The following ZNF462 variants were observed in gnomAD, a reference collection of about 807,000 sequenced individuals.
ZNF462 encodes the protein zinc finger PBX1-interacting protein.
A neutral mutation model predicts 201.9 loss-of-function variants in ZNF462; 10 were observed. The observed-to-expected ratio is 0.05, with a 90% CI of 0.03 to 0.08. The LOEUF (loss-of-function observed/expected upper bound fraction) is 0.08. Among genes scored for constraint, ZNF462 ranks in the 10% least tolerant of loss-of-function variants. ZNF462 has a pLI of 1.00. For missense variants in ZNF462, 2,523 were observed against 3,168.3 expected, an observed-to-expected ratio of 0.80 and a Z score of 4.89; for synonymous variants, 1,227 against 1,193.3, an observed-to-expected ratio of 1.03 and a Z score of -0.58.
chr9:106,924,839 C>T lies in ZNF462; in HGVS notation c.927C>T (p.Ser309=), dbSNP rs767635208. 2 of 1,614,160 alleles carry T rather than the reference C, an allele frequency of 1.2e-6. No homozygotes were observed. Among genetic ancestry groups the T allele is most frequent in the Admixed American group, 3.3e-5 (2 of 60,026 alleles). ...NSTYLTMNAA[S]REIPNTTVSN... is the part of the protein sequence containing the mutation. ...CCTATCTGACCATGAATGCTGCAAG[C>T]CGGGAGATACCCAATACTACCGTCT... The change falls in exon 3 of 13, where the codon AGC becomes AGT. Residue 309 remains serine (S), a synonymous_variant. Coordinates refer to ENST00000277225, the MANE Select transcript of ZNF462 (RefSeq NM_021224.6). This position sits in a 1 kb window ranked among gnomAD's most constrained non-coding sequence, Gnocchi z 6.2.
In ZNF462 at chr9:106,993,814, A is replaced by C. The variant is rs1289132702; in HGVS notation, c.7056+9405A>C. 6.6e-6 allele frequency among the ~76,000 whole-genome samples: 1 copy of C among 152,070 alleles called. No homozygotes were observed. Among genetic ancestry groups the C allele is most frequent in the Non-Finnish European group, 1.5e-5 (1 of 67,992 alleles). ...GGCTGAGGTGCAATGGCGCAATCAT[A>C]GCTCACTGCATCTTCAAACTCCTAG... On this transcript the variant is annotated intron_variant, in intron 10 of 12. Transcript: ENST00000277225. The surrounding 1 kb of genome is among the most constrained non-coding windows in gnomAD (Gnocchi z 4.0).
intron 7 of ZNF462, among the ~76,000 whole-genome samples, chr9:106,949,781 G>A (rs1410975090): frequency 6.6e-6 from 1 of 152,098 alleles, no homozygotes; most frequent in Non-Finnish European, 1.5e-5. Flanking sequence ...CAATCCAAAT[G>A]TAATCTTCAT....
rs529768106 is a variant in ZNF462 at position 107,006,243 on chromosome 9, A to C, written c.7189+2817A>C. On this transcript the variant is annotated intron_variant, in intron 11 of 12. Transcript: ENST00000277225. This position sits in a 1 kb window ranked among gnomAD's most constrained non-coding sequence, Gnocchi z 4.3. ...CTTCACCCAGTTCCTAGAATATAAC[A>C]ATCACCTAATAAATGATAAGCCTGC... is the stretch of plus-strand genomic sequence containing the variant. Among the ~76,000 whole-genome samples the C allele has an allele frequency of 6.6e-6, 1 of 152,318 alleles. No homozygotes were observed. The highest frequency in any genetic ancestry group is 6.5e-5 in the Admixed American group (1 of 15,292).
At chr9:106,921,368 C>T (rs1829984461) in intron 1 of ZNF462, among the ~76,000 whole-genome samples, 1 of 152,176 alleles carries the variant, frequency 6.6e-6, no homozygotes, top group Non-Finnish European at 1.5e-5. Context: ...ACAGTTAATT[C>T]TTTGTTGGGA....
Position 106,974,189 on chromosome 9 carries a change from G to A in ZNF462, c.6748G>A (p.Gly2250Ser). ...EAGHSAVPEE[G>S]PKDLRCPLCL... ...TGGGCACTCAGCAGTTCCCGAGGAG[G>A]GCCCCAAAGATCTTCGCTGTCCTCT... The change falls in exon 9 of 13, where the codon GGC (glycine) becomes AGC (serine). Residue 2250 changes from glycine to serine, a missense_variant. Physicochemically the swap from Gly to Ser is moderately conservative, Grantham distance 56. This residue lies in a region of ZNF462 where 228 missense variants were observed against 361.2 expected (regional missense o/e 0.63). Transcript: ENST00000277225. The surrounding 1 kb of genome is among the most constrained non-coding windows in gnomAD (Gnocchi z 4.0). 6.2e-7 allele frequency: 1 copy of A among 1,614,076 alleles called. No homozygotes were observed. Among genetic ancestry groups the A allele is most frequent in the East Asian group, 2.2e-5 (1 of 44,872 alleles).
In ZNF462 at chr9:106,925,935, G is replaced by C. The variant is rs1296921550; in HGVS notation, c.2023G>C (p.Ala675Pro). ...CTCCAAGAACAATTTTGTAGCTAAA[G>C]CCTCTAGGAAGCTCGCCAATGACTT... The part of the protein sequence containing the change: ...LSSKNNFVAK[A>P]SRKLANDFPL... Residue 675 changes from alanine to proline, a missense_variant, in exon 3 of 13, where the codon GCC (alanine) becomes CCC (proline). Physicochemically the swap from Ala to Pro is conservative, Grantham distance 27. Transcript: ENST00000277225. This position sits in a 1 kb window ranked among gnomAD's most constrained non-coding sequence, Gnocchi z 7.9. 6.2e-7 allele frequency: 1 copy of C among 1,614,032 alleles called. No individual in the cohort carries two copies. The highest frequency in any genetic ancestry group is 1.1e-5 in the South Asian group (1 of 91,074).
intron 1 of ZNF462, among the ~76,000 whole-genome samples, chr9:106,915,750 A>G (rs1829746612): frequency 6.6e-6 from 1 of 152,228 alleles, no homozygotes; most frequent in Admixed American, 6.5e-5. Context: ...TTTACGGTCT[A>G]TATAGGCTCA....
intron 1 of ZNF462, among the ~76,000 whole-genome samples, chr9:106,907,984 A>T (rs1256912037): frequency 1.3e-5 from 2 of 151,830 alleles, no homozygotes; most frequent in Non-Finnish European, 1.5e-5. Context: ...ATGTTAAAAA[A>T]TTTTCTCAAA....
At position 107,005,758 on chromosome 9, in the gene ZNF462, A is replaced by C. The variant is rs550015682; in HGVS notation, c.7189+2332A>C. Among the ~76,000 whole-genome samples the C allele has an allele frequency of 1.3e-5, 2 of 152,238 alleles. No homozygotes were observed. Among genetic ancestry groups the C allele is most frequent in the Non-Finnish European group, 2.9e-5 (2 of 68,046 alleles). The stretch of plus-strand genomic sequence containing the variant: ...GGTCATATCCAAAAAATCATTGCCC[A>C]GACCAATGTCATGGAGCTTTTCCCC... On this transcript the variant is annotated intron_variant, in intron 11 of 12. Coordinates refer to ENST00000277225, the MANE Select transcript of ZNF462 (RefSeq NM_021224.6). This position sits in a 1 kb window ranked among gnomAD's most constrained non-coding sequence, Gnocchi z 4.4.
At chr9:106,982,893 G>C (rs763675009) in intron 9 of ZNF462, among the ~76,000 whole-genome samples, 2 of 152,100 alleles carry the variant, frequency 1.3e-5, no homozygotes, top group African/African-American at 4.8e-5. Context: ...AGAGTGAGTC[G>C]CATCGGTGTA....
chr9:106,894,077 T>TTACTATC (rs1564081350), intron 1 of ZNF462, among the ~76,000 whole-genome samples: 1 of 152,236 alleles, frequency 6.6e-6, no homozygotes, highest in Non-Finnish European at 1.5e-5. Context: ...AGTACCATCT[T>TTACTATC]TACACTTTCT....
At chr9:106,973,542 A>G (rs961421002) in intron 8 of ZNF462, among the ~76,000 whole-genome samples, 1 of 152,216 alleles carries the variant, frequency 6.6e-6, no homozygotes, top group African/African-American at 2.4e-5. Context: ...GTCCCTGCCC[A>G]TTAAAGTCTT....
chr9:106,956,576 TTA>T (rs1275571903), intron 7 of ZNF462, among the ~76,000 whole-genome samples: 1 of 152,094 alleles, frequency 6.6e-6, no homozygotes, highest in African/African-American at 2.4e-5. Context: ...TTGAAGCCAG[TTA>T]TTAACTTCCC....
intron 1 of ZNF462, among the ~76,000 whole-genome samples, chr9:106,867,647 A>G (rs1034191150): frequency 2.0e-5 from 3 of 152,082 alleles, no homozygotes; most frequent in East Asian, 3.9e-4. Context: ...AAAAAATCCA[A>G]CTCTACTAAT....
intron 1 of ZNF462, among the ~76,000 whole-genome samples, chr9:106,873,590 A>G (rs1308213185): frequency 6.6e-6 from 1 of 152,186 alleles, no homozygotes; most frequent in African/African-American, 2.4e-5. Context: ...AACATGGTGC[A>G]GATTCTCTTA....
rs1827134475 is a variant in ZNF462 at position 106,863,232 on chromosome 9, C to T, written c.-154C>T. ...CCATTGCTGAGACCCGGCAGAAGCACATGAGACTCCCAAACAACTTCCACA... is the reference window on the plus strand; with the variant it reads ...CCATTGCTGAGACCCGGCAGAAGCATATGAGACTCCCAAACAACTTCCACA... On this transcript the variant is annotated 5_prime_UTR_variant, in exon 1 of 13. Transcript: ENST00000277225. 6 of 399,156 alleles carry T rather than the reference C, an allele frequency of 1.5e-5. No homozygotes were observed. The allele number at this position is 399,156 out of a possible 1,614,324, so 24.7% of individuals were successfully genotyped here.
chr9:106,955,342 T>C (rs958968057), intron 7 of ZNF462, among the ~76,000 whole-genome samples: 2 of 152,190 alleles, frequency 1.3e-5, no homozygotes, highest in East Asian at 1.9e-4. Context: ...GTTTACTAAG[T>C]ATACAATAGC....
Position 106,950,392 on chromosome 9 carries a change from G to A in ZNF462, c.6427+11285G>A, listed in dbSNP as rs966838548. On this transcript the variant is annotated intron_variant, in intron 7 of 12. Coordinates refer to ENST00000277225, the MANE Select transcript of ZNF462 (RefSeq NM_021224.6). This position sits in a 1 kb window ranked among gnomAD's most constrained non-coding sequence, Gnocchi z 4.1. ...CCCAAACTAAATGGAGTGAGCAGCT[G>A]TGTGGTTAGTAGCTGTGGCAATCAC... 5.3e-5 allele frequency among the ~76,000 whole-genome samples: 8 copies of A among 152,184 alleles called. No individual in the cohort carries two copies. The highest frequency in any genetic ancestry group is 1.0e-4 in the Non-Finnish European group (7 of 68,036).
intron 7 of ZNF462, among the ~76,000 whole-genome samples, chr9:106,940,618 C>T (rs1300380062): frequency 1.3e-5 from 2 of 152,196 alleles, no homozygotes; most frequent in African/African-American, 4.8e-5. Flanking sequence ...TAGCTCCTTA[C>T]TGGTGTCCCG....
Sources: gnomAD v4.1 joint callset for allele counts (sites outside exome capture counted in the v4.1 genomes callset) on GRCh38, gnomAD v4.1.1 for gene constraint, gnomAD v4.1.1 regional missense constraint, Gnocchi (gnomAD v3.1) non-coding constraint, MANE v1.5 for transcripts, NCBI Gene and HGNC (gene_info 2026-07-23, HGNC 2026-07-21) for gene names.